The following TYR variants were observed in gnomAD, a reference collection of about 807,000 sequenced individuals.
The protein encoded by TYR is LB24-AB.
TYR carries 58 observed loss-of-function variants against 51.5 expected under a neutral mutation model. The ratio of observed to expected loss-of-function variants is 1.13; its 90% CI spans 0.91 to 1.40. The LOEUF is 1.40. Ranked by LOEUF, TYR falls within the 40% of genes most tolerant of loss-of-function variation. The pLI is 0.00. For missense variants in TYR, 732 were observed against 647.4 expected (o/e 1.13, Z -1.42); for synonymous variants, 263 against 235.2 (o/e 1.12, Z -1.08).
chr11:89,267,915 T>C (rs1944545030), intron 3 of TYR, among the ~76,000 whole-genome samples: 1 of 152,010 alleles, frequency 6.6e-6, no homozygotes, highest in Non-Finnish European at 1.5e-5. Flanking sequence ...CTCCATTTAC[T>C]AACTAAATAG....
chr11:89,237,752 A>C (rs1944136907), intron 3 of TYR, among the ~76,000 whole-genome samples: 1 of 152,182 alleles, frequency 6.6e-6, no homozygotes, highest in Non-Finnish European at 1.5e-5. Flanking sequence ...TAGGGATTGC[A>C]TTGAAACTGC....
At chr11:89,257,267 C>G (rs1408412936) in intron 3 of TYR, among the ~76,000 whole-genome samples, 1 of 151,948 alleles carries the variant, frequency 6.6e-6, no homozygotes, top group Non-Finnish European at 1.5e-5. Context: ...CACAGTCCAC[C>G]TCTTGTCTAT....
chr11:89,269,824 C>T (rs1358359558), intron 3 of TYR, among the ~76,000 whole-genome samples: 1 of 151,882 alleles, frequency 6.6e-6, no homozygotes, highest in Non-Finnish European at 1.5e-5. Context: ...TCCAGATACT[C>T]CTCAAATGTG....
In TYR at chr11:89,191,315, G is replaced by T. The variant is rs1488387051; in HGVS notation, c.933G>T (p.Arg311Ser). Reference protein sequence around the residue: ...PGNHDKSRTPRLPSSADVEFC... With the variant: ...PGNHDKSRTPSLPSSADVEFC... ...ACCATGACAAATCCAGAACCCCAAG[G>T]CTCCCCTCTTCAGCTGATGTAGAAT... Residue 311 changes from arginine (R) to serine (S), a missense_variant, in exon 2 of 5, where the codon AGG (arginine) becomes AGT (serine). Physicochemically the swap from Arg to Ser is moderately radical, Grantham distance 110 (BLOSUM62 -1). Transcript: ENST00000263321. 7.4e-6 allele frequency: 12 copies of T among 1,613,522 alleles called. No individual in the cohort carries two copies. Among genetic ancestry groups the T allele is most frequent in the African/African-American group, 4.0e-5 (3 of 74,848 alleles).
intron 2 of TYR, among the ~76,000 whole-genome samples, chr11:89,219,326 C>A (rs1943876705): frequency 6.7e-6 from 1 of 150,016 alleles, no homozygotes; most frequent in Admixed American, 6.6e-5. Context: ...AGACAGAGTC[C>A]CACTCTATTG....
chr11:89,199,375 T>G (rs1463622372), intron 2 of TYR, among the ~76,000 whole-genome samples: 2 of 152,210 alleles, frequency 1.3e-5, no homozygotes, highest in Non-Finnish European at 2.9e-5. Flanking sequence ...ATATGAATAT[T>G]GACAAAGTAA....
intron 1 of TYR, among the ~76,000 whole-genome samples, chr11:89,187,630 A>G (rs923979932): frequency 2.0e-5 from 3 of 152,100 alleles, no homozygotes; most frequent in Non-Finnish European, 4.4e-5. Context: ...CTATATTCAA[A>G]TATTAACTCC....
At chr11:89,276,762 TG>T (rs1247153927) in intron 3 of TYR, among the ~76,000 whole-genome samples, 1 of 151,768 alleles carries the variant, frequency 6.6e-6, no homozygotes, top group African/African-American at 2.4e-5. Flanking sequence ...CATCAGACTT[TG>T]GTAGAAGCAT....
intron 3 of TYR, among the ~76,000 whole-genome samples, chr11:89,273,609 T>C (rs571641025): frequency 1.8e-4 from 28 of 151,966 alleles, no homozygotes; most frequent in African/African-American, 6.0e-4. Context: ...GTTGGAAAAA[T>C]GTCACTGACA....
At chr11:89,272,248 A>C (rs551009271) in intron 3 of TYR, among the ~76,000 whole-genome samples, 1 of 152,020 alleles carries the variant, frequency 6.6e-6, no homozygotes, top group African/African-American at 2.4e-5. Flanking sequence ...AATAATAACA[A>C]TTGAAAGTCA....
At chr11:89,242,711 G>C (rs187481542) in intron 3 of TYR, among the ~76,000 whole-genome samples, 116 of 152,240 alleles carry the variant, frequency 7.6e-4, no homozygotes, top group Non-Finnish European at 1.4e-3. Flanking sequence ...TTTAGAATCT[G>C]TTAATTAGTA....
intron 1 of TYR, among the ~76,000 whole-genome samples, chr11:89,189,537 T>C (rs577566175): frequency 5.3e-5 from 8 of 151,998 alleles, no homozygotes; most frequent in South Asian, 2.1e-4. Flanking sequence ...GAATATAATA[T>C]AGATTAATGT....
At chr11:89,234,895 G>A (rs1944091089) in intron 3 of TYR, among the ~76,000 whole-genome samples, 1 of 145,522 alleles carries the variant, frequency 6.9e-6, no homozygotes, top group Non-Finnish European at 1.5e-5. Flanking sequence ...GTGAACACAT[G>A]TTGGAAAAAT....
chr11:89,275,630 T>C (rs1289148828), intron 3 of TYR, among the ~76,000 whole-genome samples: 6 of 151,916 alleles, frequency 3.9e-5, no homozygotes, highest in Non-Finnish European at 7.4e-5. Flanking sequence ...GAACAATTTA[T>C]GAACCAGGTA....
rs1465803280 is a variant in TYR, at chr11:89,295,757, C to A, written c.*391C>A. 8.7e-6 allele frequency: 2 copies of A among 228,702 alleles called. No homozygotes were observed. Among genetic ancestry groups the A allele is most frequent in the African/African-American group, 4.7e-5 (2 of 42,746 alleles). 14.2% of individuals were successfully genotyped at this position (228,702 alleles called of 1,614,324 possible). A position where few individuals can be genotyped will look rare whatever the true frequency, so the allele number is the denominator to read the frequency against. ...TTATTTTAATAAAACAGTGAGAAAT[C>A]TACATTAACTGACTCCTTTAGGCTT... On this transcript the variant is annotated 3_prime_UTR_variant, in exon 5 of 5. Coordinates refer to ENST00000263321, the MANE Select transcript of TYR (RefSeq NM_000372.5).
intron 2 of TYR, among the ~76,000 whole-genome samples, chr11:89,222,563 TC>T (rs1421696325): frequency 1.3e-5 from 2 of 151,868 alleles, no homozygotes; most frequent in African/African-American, 4.8e-5. Context: ...ACATGGGGAA[TC>T]CCCACCTCTA....
chr11:89,263,499 C>T (rs1191677451), intron 3 of TYR, among the ~76,000 whole-genome samples: 4 of 151,706 alleles, frequency 2.6e-5, no homozygotes, highest in Non-Finnish European at 4.4e-5. Context: ...CACATTGTAT[C>T]GAAGGTTTAA....
At chr11:89,259,310 T>TTG (rs1311388806) in intron 3 of TYR, among the ~76,000 whole-genome samples, 3 of 152,130 alleles carry the variant, frequency 2.0e-5, no homozygotes, top group Non-Finnish European at 2.9e-5. Flanking sequence ...TTCTACCCTG[T>TTG]TGTGTAGAAT....
At chr11:89,270,689 A>T (rs1303145496) in intron 3 of TYR, among the ~76,000 whole-genome samples, 2 of 151,936 alleles carry the variant, frequency 1.3e-5, no homozygotes, top group African/African-American at 4.8e-5. Flanking sequence ...TGAATAATTT[A>T]AAAAATTTAA....
Sources: allele counts gnomAD v4.1 joint callset (sites outside exome capture counted in the v4.1 genomes callset), GRCh38; gene constraint gnomAD v4.1.1; transcripts MANE v1.5; gene names NCBI Gene and HGNC (gene_info 2026-07-23, HGNC 2026-07-21).